The following NPSR1 variants were observed in gnomAD, a reference collection of about 807,000 sequenced individuals.
NPSR1 encodes the protein neuropeptide S receptor 1.
Under a neutral mutation model 46.9 loss-of-function variants are expected in NPSR1, and 48 were observed. The observed-to-expected ratio is 1.02, with a 90% CI of 0.81 to 1.30. The LOEUF (loss-of-function observed/expected upper bound fraction) is 1.30. NPSR1 is among the 50% of genes most tolerant of loss of function. NPSR1 has a pLI of 0.00. For missense variants in NPSR1, 450 were observed against 449.5 expected (o/e 1.00, Z -0.01); for synonymous variants, 176 against 168.1 (o/e 1.05, Z -0.36).
At chr7:34,769,189 C>T (rs1388062441) in intron 2 of NPSR1, among the ~76,000 whole-genome samples, 1 of 152,006 alleles carries the variant, frequency 6.6e-6, no homozygotes, top group Non-Finnish European at 1.5e-5. Context: ...CATTTTGTCT[C>T]CACTATTGGC....
chr7:34,844,582 G>A (rs867552602), intron 6 of NPSR1, among the ~76,000 whole-genome samples: 2 of 152,172 alleles, frequency 1.3e-5, no homozygotes, highest in African/African-American at 4.8e-5. Flanking sequence ...CACTCCTCAG[G>A]GAAGCCCTCA....
At chr7:34,771,950 T>A (rs2128733612) in intron 2 of NPSR1, among the ~76,000 whole-genome samples, 1 of 152,338 alleles carries the variant, frequency 6.6e-6, no homozygotes, top group South Asian at 2.1e-4. Flanking sequence ...GTAGTAATTC[T>A]CTTTTAAACC....
At chr7:34,784,388 C>T (rs1238928388) in intron 3 of NPSR1, among the ~76,000 whole-genome samples, 1 of 152,058 alleles carries the variant, frequency 6.6e-6, no homozygotes, top group African/African-American at 2.4e-5. Flanking sequence ...GAGTTTTTAG[C>T]ATGAAGGGTT....
At chr7:34,731,654 T>C (rs569548109) in intron 2 of NPSR1, among the ~76,000 whole-genome samples, 2 of 152,310 alleles carry the variant, frequency 1.3e-5, no homozygotes, top group African/African-American at 4.8e-5. Flanking sequence ...GCCCCAGTGC[T>C]GAGAACTGTG....
At chr7:34,822,039 A>T (rs1789582941) in intron 4 of NPSR1, among the ~76,000 whole-genome samples, 1 of 152,192 alleles carries the variant, frequency 6.6e-6, no homozygotes. Flanking sequence ...TTCCCAGCAC[A>T]CGAGGGAGCA....
chr7:34,773,055 G>T (rs1205575526), intron 2 of NPSR1, among the ~76,000 whole-genome samples: 4 of 152,142 alleles, frequency 2.6e-5, no homozygotes, highest in Admixed American at 2.6e-4. Context: ...GAGCACAGAG[G>T]TGCAGATGAA....
intron 1 of NPSR1, among the ~76,000 whole-genome samples, chr7:34,683,426 G>A (rs1459626820): frequency 6.8e-6 from 1 of 146,218 alleles, no homozygotes; most frequent in African/African-American, 2.6e-5. Context: ...CAGCCTGGGT[G>A]ACAGAGTGAG....
At chr7:34,860,313 A>G (rs1044029076) in intron 8 of NPSR1, among the ~76,000 whole-genome samples, 3 of 151,840 alleles carry the variant, frequency 2.0e-5, no homozygotes, top group Non-Finnish European at 4.4e-5. Flanking sequence ...AGACCAAACA[A>G]GTCCTTTATG....
intron 2 of NPSR1, among the ~76,000 whole-genome samples, chr7:34,706,157 T>G (rs1794095751): frequency 6.6e-6 from 1 of 152,170 alleles, no homozygotes; most frequent in Middle Eastern, 3.4e-3. Flanking sequence ...GTTATCCAAT[T>G]TTGTCTTTTG....
intron 2 of NPSR1, among the ~76,000 whole-genome samples, chr7:34,760,798 G>A (rs1474383100): frequency 4.6e-5 from 7 of 151,992 alleles, no homozygotes; most frequent in East Asian, 1.9e-4. Flanking sequence ...CTGATACTAC[G>A]GAGCTTTATA....
chr7:34,806,476 G>A (rs904027286), intron 3 of NPSR1, among the ~76,000 whole-genome samples: 9 of 152,092 alleles, frequency 5.9e-5, no homozygotes, highest in African/African-American at 2.2e-4. Context: ...AACTGTAGAA[G>A]AGCAAGAAAC....
chr7:34,667,353 G>C (rs868015915), intron 1 of NPSR1, among the ~76,000 whole-genome samples: 24 of 152,292 alleles, frequency 1.6e-4, no homozygotes, highest in African/African-American at 4.8e-4. Context: ...AGGAGAAAGG[G>C]GGGTAGTCAT....
chr7:34,859,275 C>T (rs1291329335), intron 8 of NPSR1, among the ~76,000 whole-genome samples: 2 of 151,718 alleles, frequency 1.3e-5, no homozygotes, highest in African/African-American at 4.9e-5. Context: ...CAGAAGAAAT[C>T]AATATCCATC....
At chr7:34,762,242 A>G (rs1350130742) in intron 2 of NPSR1, among the ~76,000 whole-genome samples, 1 of 152,160 alleles carries the variant, frequency 6.6e-6, no homozygotes, top group Non-Finnish European at 1.5e-5. Flanking sequence ...ATGATTATTT[A>G]CCTAATTGAG....
chr7:34,781,676 C>T (rs1787239033), intron 3 of NPSR1, among the ~76,000 whole-genome samples: 1 of 152,178 alleles, frequency 6.6e-6, no homozygotes. Flanking sequence ...GAAGCAGTTG[C>T]TGTCGAGCTG....
At chr7:34,729,701 AG>A (rs1784332035) in intron 2 of NPSR1, among the ~76,000 whole-genome samples, 1 of 152,268 alleles carries the variant, frequency 6.6e-6, no homozygotes, top group Admixed American at 6.5e-5. Context: ...ATAACCAATT[AG>A]AAAATACAAT....
At chr7:34,735,273 T>C (rs1344201352) in intron 2 of NPSR1, among the ~76,000 whole-genome samples, 1 of 152,188 alleles carries the variant, frequency 6.6e-6, no homozygotes, top group Non-Finnish European at 1.5e-5. Flanking sequence ...CATGGGTGAC[T>C]CTATCCCCTC....
intron 3 of NPSR1, among the ~76,000 whole-genome samples, chr7:34,783,361 A>G (rs1037509582): frequency 5.3e-5 from 8 of 152,042 alleles, no homozygotes; most frequent in African/African-American, 1.9e-4. Flanking sequence ...GCAAAAGGGG[A>G]AGCCCCTTAT....
At chr7:34,860,190 G>A (rs1791156251) in intron 8 of NPSR1, among the ~76,000 whole-genome samples, 1 of 151,580 alleles carries the variant, frequency 6.6e-6, no homozygotes, top group African/African-American at 2.4e-5. Context: ...TGATGTCTTG[G>A]AACAAGGAAG....
Sources: allele counts gnomAD v4.1 joint callset (sites outside exome capture counted in the v4.1 genomes callset), GRCh38; gene constraint gnomAD v4.1.1; transcripts MANE v1.5; gene names NCBI Gene and HGNC (gene_info 2026-07-23, HGNC 2026-07-21).